The following ZNF423 variants were observed in gnomAD, a reference collection of about 807,000 sequenced individuals.
ZNF423 encodes the protein Ebf-associated zinc finger protein.
In ZNF423, 12 loss-of-function variants were observed where a neutral mutation model predicts 95.8. The ratio of observed to expected loss-of-function variants is 0.13; its 90% CI spans 0.08 to 0.20. The LOEUF is 0.20. ZNF423 is among the 10% of genes least tolerant of loss of function. ZNF423 has a pLI of 1.00. For synonymous variants in ZNF423, 749 were observed against 711.9 expected (o/e 1.05, Z -0.83); for missense variants, 1,316 against 1,737.1 (o/e 0.76, Z 4.31).
chr16:49,836,916 GC>G (rs2035126360), intron 1 of ZNF423, among the ~76,000 whole-genome samples: 1 of 152,178 alleles, frequency 6.6e-6, no homozygotes, highest in Non-Finnish European at 1.5e-5. Context: ...CCCAGGACAG[GC>G]CTCTACATTC....
chr16:49,814,748 C>T lies in ZNF423; in HGVS notation c.41-25202G>A, dbSNP rs76181651. ...TTACAGCTCGACAGGCCTAGCACCCCATTTATCTACCTCATTCAAACCCAG... is the reference window on the plus strand; with the variant it reads ...TTACAGCTCGACAGGCCTAGCACCCTATTTATCTACCTCATTCAAACCCAG... On this transcript the variant is annotated intron_variant, in intron 1 of 7. Transcript: ENST00000563137. Among the ~76,000 whole-genome samples the T allele has an allele frequency of 7.9e-3, 1,199 of 152,126 alleles. 27 individuals are homozygous for T. The highest frequency in any genetic ancestry group is 0.026 in the African/African-American group (1,099 of 41,520).
chr16:49,648,429 G>T lies in ZNF423; in HGVS notation c.302-9555C>A, dbSNP rs180693066. ...GGCTGAGGCAGGCGGATCACCTGAG[G>T]TCGGGAGTTCGAGACCAGCCTGACC... On this transcript the variant is annotated intron_variant, in intron 3 of 7. Transcript: ENST00000563137. 1.8e-4 allele frequency among the ~76,000 whole-genome samples: 26 copies of T among 143,738 alleles called. No homozygotes were observed. In the East Asian group the frequency reaches 4.1e-3, roughly 22 times the overall value. The allele number at this position is 143,738 out of a possible 152,430, so 94.3% of individuals were successfully genotyped here.
chr16:49,561,766 T>C (rs1970024768), intron 5 of ZNF423, among the ~76,000 whole-genome samples: 1 of 152,214 alleles, frequency 6.6e-6, no homozygotes, highest in African/African-American at 2.4e-5. Flanking sequence ...TTATTGATAA[T>C]AAATTTTATA....
chr16:49,821,580 C>G (rs1204679854), intron 1 of ZNF423, among the ~76,000 whole-genome samples: 1 of 152,214 alleles, frequency 6.6e-6, no homozygotes, highest in Non-Finnish European at 1.5e-5. Flanking sequence ...GAGGGTCTCA[C>G]TCTAAGGCCT....
rs201029979 is a variant in ZNF423 at position 49,774,668 on chromosome 16, T to C, written c.100+14819A>G. Reference sequence around the variant, plus strand: ...CAGTAAGAAGTAAGCAACAGGTGGGTGGGCTCTGCCAGATGAAGACCCCCA... The same window carrying C: ...CAGTAAGAAGTAAGCAACAGGTGGGCGGGCTCTGCCAGATGAAGACCCCCA... On this transcript the variant is annotated intron_variant, in intron 2 of 7. Coordinates refer to ENST00000563137, the MANE Select transcript of ZNF423 (RefSeq NM_001379286.1). Among the ~76,000 whole-genome samples, 7 of 152,086 alleles carry C rather than the reference T, an allele frequency of 4.6e-5. No individual in the cohort carries two copies. In the East Asian group the frequency reaches 1.2e-3, roughly 25 times the overall value.
intron 3 of ZNF423, among the ~76,000 whole-genome samples, chr16:49,650,956 A>G (rs1335812194): frequency 6.6e-6 from 1 of 152,182 alleles, no homozygotes; most frequent in Non-Finnish European, 1.5e-5. Flanking sequence ...GCCAACATTT[A>G]CAAATCAAGA....
chr16:49,729,224 C>A (rs924614882), intron 3 of ZNF423, among the ~76,000 whole-genome samples: 4 of 152,152 alleles, frequency 2.6e-5, no homozygotes, highest in Admixed American at 2.6e-4. Context: ...AAGAGAATAA[C>A]TTTTCATTAG....
intron 6 of ZNF423, 59 bp from the exon 7 acceptor site, chr16:49,523,798 C>T (rs900808913): frequency 1.4e-6 from 2 of 1,402,244 alleles, no homozygotes; most frequent in African/African-American, 1.4e-5. Flanking sequence ...CCTCCTGTGG[C>T]AGCTGCCCCC....
At chr16:49,822,149 T>C (rs36009475) in intron 1 of ZNF423, among the ~76,000 whole-genome samples, 37,721 of 151,256 alleles carry the variant, frequency 0.25, 5,523 homozygotes, top group Middle Eastern at 0.4. Flanking sequence ...TGACAACCCG[T>C]TTGCCTAAGT....
intron 1 of ZNF423, among the ~76,000 whole-genome samples, chr16:49,803,852 A>C (rs564523761): frequency 6.6e-6 from 1 of 151,914 alleles, no homozygotes; most frequent in Admixed American, 6.6e-5. Context: ...GGCAGAGCTC[A>C]AGGTGGGGTC....
At chr16:49,513,668 TGGATGGAC>T (rs57917137) in intron 7 of ZNF423, among the ~76,000 whole-genome samples, 57,951 of 149,470 alleles carry the variant, frequency 0.39, 11,328 homozygotes, top group African/African-American at 0.45. Context: ...GATGGATGGA[TGGATGGAC>T]GGACGGATGG....
intron 2 of ZNF423, among the ~76,000 whole-genome samples, chr16:49,761,402 G>A (rs912153297): frequency 1.3e-5 from 2 of 152,212 alleles, no homozygotes; most frequent in African/African-American, 4.8e-5. Context: ...CAGATCCCCA[G>A]CGAGCCTGCT....
intron 3 of ZNF423, among the ~76,000 whole-genome samples, chr16:49,660,340 C>T (rs139914436): frequency 9.2e-4 from 140 of 152,236 alleles, no homozygotes; most frequent in African/African-American, 3.2e-3. Context: ...AAAGGAGGCA[C>T]TTGAAAACTA....
At chr16:49,811,901 C>G (rs2034759557) in intron 1 of ZNF423, among the ~76,000 whole-genome samples, 1 of 152,224 alleles carries the variant, frequency 6.6e-6, no homozygotes, top group South Asian at 2.1e-4. Flanking sequence ...ATTCCGTTCC[C>G]CATGCCCTGC....
At chr16:49,694,680 C>G (rs1277521779) in intron 3 of ZNF423, among the ~76,000 whole-genome samples, 1 of 152,184 alleles carries the variant, frequency 6.6e-6, no homozygotes, top group Non-Finnish European at 1.5e-5. Context: ...ACTCCACTGG[C>G]CTCCAAGGGA....
chr16:49,658,796 G>C lies in ZNF423; in HGVS notation c.302-19922C>G, dbSNP rs144039357. 2.9e-3 allele frequency among the ~76,000 whole-genome samples: 440 copies of C among 152,296 alleles called. 5 individuals carry two copies. The highest frequency in any genetic ancestry group is 0.01 in the African/African-American group (418 of 41,554). Reference sequence around the variant, plus strand: ...GGCCCCTGAAGTCCTAGGCATCAAGGCTGGGGCATGTGGGTCCCCCACCCT... The same window carrying C: ...GGCCCCTGAAGTCCTAGGCATCAAGCCTGGGGCATGTGGGTCCCCCACCCT... On this transcript the variant is annotated intron_variant, in intron 3 of 7. Coordinates refer to ENST00000563137, the MANE Select transcript of ZNF423 (RefSeq NM_001379286.1).
intron 2 of ZNF423, among the ~76,000 whole-genome samples, chr16:49,782,531 G>A (rs747501431): frequency 8.4e-4 from 128 of 152,324 alleles, no homozygotes; most frequent in Non-Finnish European, 1.7e-3. Flanking sequence ...GGTCCATCAC[G>A]GTCAACTGAT....
chr16:49,753,703 G>T (rs528421040), intron 2 of ZNF423, among the ~76,000 whole-genome samples: 37 of 152,304 alleles, frequency 2.4e-4, no homozygotes, highest in African/African-American at 7.9e-4. Context: ...TCTGGAGAAA[G>T]GACATTTGAG....
chr16:49,696,622 A>G (rs2031982095), intron 3 of ZNF423, among the ~76,000 whole-genome samples: 1 of 152,126 alleles, frequency 6.6e-6, no homozygotes, highest in African/African-American at 2.4e-5. Flanking sequence ...ACCCTGGGCC[A>G]CAGAGGCTGT....
Sources: allele counts gnomAD v4.1 joint callset (sites outside exome capture counted in the v4.1 genomes callset), GRCh38; gene constraint gnomAD v4.1.1; transcripts MANE v1.5; gene names NCBI Gene and HGNC (gene_info 2026-07-23, HGNC 2026-07-21).